The following TMEM11 variants were observed in gnomAD, a reference collection of about 807,000 sequenced individuals.
TMEM11 encodes the protein transmembrane protein 11, mitochondrial.
Under a neutral mutation model 17.0 loss-of-function variants are expected in TMEM11, and 1 was observed. That is an observed-to-expected ratio of 0.06 (90% confidence interval 0.02 to 0.28). The LOEUF (loss-of-function observed/expected upper bound fraction) is 0.28, where lower values mean the gene tolerates loss of function less well. Among genes scored for constraint, TMEM11 ranks in the 10% least tolerant of loss-of-function variants. The pLI is 1.00. For missense variants in TMEM11, 172 were observed against 252.9 expected, an observed-to-expected ratio of 0.68 and a Z score of 2.17; for synonymous variants, 122 against 118.1, an observed-to-expected ratio of 1.03 and a Z score of -0.21.
At chr17:21,210,844 C>T in intron 1 of TMEM11, 3 of 1,178,594 alleles carry the variant, frequency 2.5e-6, no homozygotes, top group Non-Finnish European at 3.2e-6. Flanking sequence ...TCTGCACACC[C>T]CAGGTTGCCT....
chr17:21,199,470 G>A (rs901862998), intron 1 of TMEM11, among the ~76,000 whole-genome samples: 3 of 152,090 alleles, frequency 2.0e-5, no homozygotes, highest in Admixed American at 6.5e-5. Flanking sequence ...GGGAAAGAAC[G>A]ATTCGGCACA....
Position 21,198,371 on chromosome 17 carries a change from C to T in TMEM11, c.532G>A (p.Ala178Thr), listed in dbSNP as rs527761394. Reference protein sequence around the residue: ...KRLHNTIALAALVYCVKKIYE... With the variant: ...KRLHNTIALATLVYCVKKIYE... Reference sequence around the variant, plus strand: ...ATCTTCTTTACACAGTACACCAGGGCGGCCAGTGCTATCGTGTTGTGCAGT... The same window carrying T: ...ATCTTCTTTACACAGTACACCAGGGTGGCCAGTGCTATCGTGTTGTGCAGT... Residue 178 changes from alanine (A) to threonine (T), a missense_variant, in exon 2 of 2, where the codon GCC (alanine) becomes ACC (threonine). Coordinates refer to ENST00000317635, the MANE Select transcript of TMEM11 (RefSeq NM_003876.3). This position sits in a 1 kb window ranked among gnomAD's most constrained non-coding sequence, Gnocchi z 6.5. The T allele has an allele frequency of 1.9e-5, 31 of 1,614,198 alleles. No homozygotes were observed. The Admixed American group carries it at 2.2e-4, about 11-fold the overall frequency.
At chr17:21,201,044 C>A (rs1479723838) in intron 1 of TMEM11, among the ~76,000 whole-genome samples, 1 of 152,228 alleles carries the variant, frequency 6.6e-6, no homozygotes, top group African/African-American at 2.4e-5. Context: ...CGTAGTTCTT[C>A]CTACTACTGA....
At chr17:21,205,244 C>A (rs908384117) in intron 1 of TMEM11, among the ~76,000 whole-genome samples, 4 of 152,146 alleles carry the variant, frequency 2.6e-5, no homozygotes, top group African/African-American at 9.7e-5. Flanking sequence ...AGGTTCAGAG[C>A]AGAACTGTTC....
intron 1 of TMEM11, among the ~76,000 whole-genome samples, chr17:21,207,815 G>C (rs1184119998): frequency 6.6e-6 from 1 of 151,524 alleles, no homozygotes; most frequent in Non-Finnish European, 1.5e-5. Flanking sequence ...TTGAACCTAG[G>C]AGGTAGAGGT....
intron 1 of TMEM11, among the ~76,000 whole-genome samples, chr17:21,202,623 A>G (rs1364030949): frequency 7.1e-6 from 1 of 141,838 alleles, no homozygotes; most frequent in Non-Finnish European, 1.5e-5. Flanking sequence ...ACCCCTCTGC[A>G]GGCTCCATCG....
chr17:21,202,878 G>A (rs1439619063), intron 1 of TMEM11, among the ~76,000 whole-genome samples: 1 of 152,244 alleles, frequency 6.6e-6, no homozygotes, highest in Non-Finnish European at 1.5e-5. Flanking sequence ...TGAGATGGTG[G>A]CGTGGGTCTG....
chr17:21,209,067 A>C (rs1974974903), intron 1 of TMEM11, among the ~76,000 whole-genome samples: 1 of 152,142 alleles, frequency 6.6e-6, no homozygotes, highest in African/African-American at 2.4e-5. Flanking sequence ...CGTGCCCCAG[A>C]CTCAAAGGCA....
chr17:21,211,207 A>G, intron 1 of TMEM11: 1 of 1,289,838 alleles, frequency 7.8e-7, no homozygotes, highest in African/African-American at 1.5e-5. Context: ...GATGTTCTTC[A>G]TTACAAACAC....
At chr17:21,213,267 C>T (rs1231593326) in intron 1 of TMEM11, 3 of 152,226 alleles carry the variant, frequency 2.0e-5, no homozygotes, top group African/African-American at 7.2e-5. Context: ...AATACATCTT[C>T]TCCCAAATTT....
At chr17:21,206,002 T>C (rs1319783617) in intron 1 of TMEM11, among the ~76,000 whole-genome samples, 1 of 151,826 alleles carries the variant, frequency 6.6e-6, no homozygotes, top group African/African-American at 2.4e-5. Flanking sequence ...ATAATGCTGC[T>C]ATGAACATGG....
In TMEM11 at chr17:21,198,188, T is replaced by C; in HGVS notation, c.*136A>G. On this transcript the variant is annotated 3_prime_UTR_variant, in exon 2 of 2. Coordinates refer to ENST00000317635, the MANE Select transcript of TMEM11 (RefSeq NM_003876.3). The surrounding 1 kb of genome is among the most constrained non-coding windows in gnomAD (Gnocchi z 6.5). The stretch of plus-strand genomic sequence containing the variant: ...AAAAACCCTGGGTACACCCGTGATC[T>C]GTTATTTTTTAAAAATAACAAATAC... The C allele has an allele frequency of 8.6e-7, 1 of 1,163,252 alleles. No individual in the cohort carries two copies. Among genetic ancestry groups the C allele is most frequent in the East Asian group, 2.4e-5 (1 of 41,960 alleles). 72.1% of individuals were successfully genotyped at this position (1,163,252 alleles called of 1,614,324 possible).
chr17:21,213,409 G>C (rs1310735219), intron 1 of TMEM11: 1 of 152,230 alleles, frequency 6.6e-6, no homozygotes, highest in Non-Finnish European at 1.5e-5. Flanking sequence ...TCAAATGGAG[G>C]TCCCTGTTGG....
Position 21,198,972 on chromosome 17 carries a change from C to T in TMEM11, c.63-132G>A. On this transcript the variant is annotated intron_variant, in intron 1 of 1. Coordinates refer to ENST00000317635, the MANE Select transcript of TMEM11 (RefSeq NM_003876.3). The surrounding 1 kb of genome is among the most constrained non-coding windows in gnomAD (Gnocchi z 6.5). Reference sequence around the variant, plus strand: ...GCGGAGAGCACATCTCACTTGGGTCCTCATCTCCTTTAAATCCCAACACAA... The same window carrying T: ...GCGGAGAGCACATCTCACTTGGGTCTTCATCTCCTTTAAATCCCAACACAA... 2 of 937,038 alleles carry T rather than the reference C, an allele frequency of 2.1e-6. No homozygotes were observed. Among genetic ancestry groups the T allele is most frequent in the South Asian group, 1.8e-5 (1 of 56,912 alleles). 58.0% of individuals were successfully genotyped at this position (937,038 alleles called of 1,614,324 possible).
chr17:21,199,766 C>T (rs541672524), intron 1 of TMEM11, among the ~76,000 whole-genome samples: 142 of 152,314 alleles, frequency 9.3e-4, no homozygotes, highest in African/African-American at 3.1e-3. Context: ...GCAGCAGCCC[C>T]CAGCTCCTCC....
chr17:21,207,699 C>T (rs969412766), intron 1 of TMEM11, among the ~76,000 whole-genome samples: 2 of 151,752 alleles, frequency 1.3e-5, no homozygotes, highest in East Asian at 3.9e-4. Context: ...ACCAGCCTGG[C>T]CAACATGGTG....
At chr17:21,211,263 C>T in intron 1 of TMEM11, 1 of 1,278,754 alleles carries the variant, frequency 7.8e-7, no homozygotes, top group Non-Finnish European at 1.0e-6. Flanking sequence ...AATCAACATG[C>T]AAGCACTACC....
chr17:21,211,998 C>T (rs1975007765), intron 1 of TMEM11, among the ~76,000 whole-genome samples: 1 of 152,174 alleles, frequency 6.6e-6, no homozygotes, highest in African/African-American at 2.4e-5. Flanking sequence ...CAGTCATCAC[C>T]AACTGAGCAG....
At chr17:21,213,833 G>A in intron 1 of TMEM11, 1 of 472,926 alleles carries the variant, frequency 2.1e-6, no homozygotes, top group Non-Finnish European at 3.7e-6. Flanking sequence ...GCCCGGCCTC[G>A]GGCCCCGCCC....
Sources: gnomAD v4.1 joint callset for allele counts (sites outside exome capture counted in the v4.1 genomes callset) on GRCh38, gnomAD v4.1.1 for gene constraint, Gnocchi (gnomAD v3.1) non-coding constraint, MANE v1.5 for transcripts, NCBI Gene and HGNC (gene_info 2026-07-23, HGNC 2026-07-21) for gene names.